The following RRAGD variants were observed in gnomAD, a reference collection of about 807,000 sequenced individuals.
RRAGD encodes ras-related GTP-binding protein D.
RRAGD carries 12 observed loss-of-function variants against 35.5 expected under a neutral mutation model. The ratio of observed to expected loss-of-function variants is 0.34; its 90% CI spans 0.22 to 0.55. The LOEUF (loss-of-function observed/expected upper bound fraction) is 0.55. Ranked by LOEUF, RRAGD falls within the 20% of genes least tolerant of loss-of-function variation. The probability of loss-of-function intolerance (pLI) is 0.91; values close to 1 mark genes in which losing one functional copy is unlikely to be tolerated. For synonymous variants in RRAGD, 155 were observed against 178.9 expected (o/e 0.87, Z 1.07); for missense variants, 324 against 490.1 (o/e 0.66, Z 3.20).
chr6:89,372,007 GGAA>G (rs1339065598), intron 6 of RRAGD, among the ~76,000 whole-genome samples: 1 of 152,130 alleles, frequency 6.6e-6, no homozygotes, highest in African/African-American at 2.4e-5. Context: ...CCTTTACATG[GGAA>G]GAACAAAAGA....
At chr6:89,369,833 TA>T (rs2127883469) in intron 6 of RRAGD, among the ~76,000 whole-genome samples, 1 of 152,336 alleles carries the variant, frequency 6.6e-6, no homozygotes, top group Non-Finnish European at 1.5e-5. Context: ...TAAATATCCA[TA>T]AACAGTGTTT....
Position 89,377,816 on chromosome 6 carries a change from GAAATTT to G in RRAGD, c.760-9_760-4del. 2 of 1,585,562 alleles carry G rather than the reference GAAATTT, an allele frequency of 1.3e-6. No individual in the cohort carries two copies. Among genetic ancestry groups the G allele is most frequent in the Non-Finnish European group, 1.7e-6 (2 of 1,170,664 alleles). On this transcript the variant is annotated splice_region_variant and splice_polypyrimidine_tract_variant and intron_variant, in intron 4 of 6. Transcript: ENST00000369415. ...AATGCCTTTTCAATTCCAGAATTCT[GAAATTT>G]AAAAAAAAAAGTTGCCTTAAAGCAA...
In RRAGD at chr6:89,387,460, G is replaced by A; in HGVS notation, c.279C>T (p.Phe93=). ...FHKMSPNETL[F]LESTNKICRE... is the part of the protein sequence containing the mutation. ...GGCATATCTTATTAGTGCTCTCCAA[G>A]AACAGAGTTTCGTTGGGAGACATTT... is the stretch of plus-strand genomic sequence containing the variant. The change falls in exon 2 of 7, where the codon TTC becomes TTT. Residue 93 remains phenylalanine, a synonymous_variant. Transcript: ENST00000369415. The A allele has an allele frequency of 6.2e-7, 1 of 1,614,198 alleles. No homozygotes were observed. Among genetic ancestry groups the A allele is most frequent in the Non-Finnish European group, 8.5e-7 (1 of 1,180,030 alleles).
At chr6:89,405,243 G>A (rs369067368) in intron 1 of RRAGD, among the ~76,000 whole-genome samples, 4 of 151,452 alleles carry the variant, frequency 2.6e-5, no homozygotes. Flanking sequence ...AGTCCCAGCT[G>A]CTGGGGAGGC....
intron 1 of RRAGD, among the ~76,000 whole-genome samples, chr6:89,396,487 G>A (rs540801573): frequency 3.4e-4 from 52 of 151,554 alleles, no homozygotes; most frequent in African/African-American, 9.4e-4. Flanking sequence ...GTGCAGTGGC[G>A]CAATCAGAGC....
intron 2 of RRAGD, among the ~76,000 whole-genome samples, chr6:89,383,750 C>T (rs9362649): frequency 0.035 from 5,319 of 151,960 alleles, 320 homozygotes; most frequent in East Asian, 0.27. Context: ...TATATTTATC[C>T]GGCAATCCTG....
At chr6:89,407,720 T>C (rs548792190) in intron 1 of RRAGD, among the ~76,000 whole-genome samples, 2 of 152,286 alleles carry the variant, frequency 1.3e-5, no homozygotes, top group South Asian at 4.1e-4. Flanking sequence ...CACCAGCATT[T>C]ACTATGGGCT....
At chr6:89,408,260 C>G (rs1769623638) in intron 1 of RRAGD, among the ~76,000 whole-genome samples, 1 of 152,162 alleles carries the variant, frequency 6.6e-6, no homozygotes, top group African/African-American at 2.4e-5. Flanking sequence ...GAAAAGCCCC[C>G]TGGTATCTCT....
At chr6:89,400,293 G>A (rs1167489566) in intron 1 of RRAGD, among the ~76,000 whole-genome samples, 1 of 152,102 alleles carries the variant, frequency 6.6e-6, no homozygotes, top group Admixed American at 6.6e-5. Context: ...GGAGCACATG[G>A]TACAGCACAA....
In RRAGD at chr6:89,372,513, G is replaced by A. The variant is rs761324046; in HGVS notation, c.975C>T (p.Thr325=). The A allele has an allele frequency of 3.3e-5, 53 of 1,610,990 alleles. 1 individual carries two copies. The highest frequency in any genetic ancestry group is 1.6e-4 in the East Asian group (7 of 44,780). ...TTGTCACCTCTTTTAAATAAAGCAC[G>A]GTTGTATTATTAAGCTTTATGATGG... is the stretch of plus-strand genomic sequence containing the variant. ...STAIIKLNNT[T]VLYLKEVTKF... Residue 325 remains threonine (T), a synonymous_variant, in exon 6 of 7, where the codon ACC becomes ACT. Coordinates refer to ENST00000369415, the MANE Select transcript of RRAGD (RefSeq NM_021244.5).
intron 1 of RRAGD, among the ~76,000 whole-genome samples, chr6:89,407,417 C>G (rs1439864539): frequency 6.6e-6 from 1 of 152,180 alleles, no homozygotes; most frequent in Non-Finnish European, 1.5e-5. Flanking sequence ...GCAGGTGGAT[C>G]ACTTGAGGTC....
chr6:89,382,137 C>T (rs1045632409), intron 2 of RRAGD, among the ~76,000 whole-genome samples: 8 of 152,018 alleles, frequency 5.3e-5, no homozygotes, highest in Non-Finnish European at 1.0e-4. Context: ...GGGGTGTTTT[C>T]TGGCATTCTT....
intron 1 of RRAGD, among the ~76,000 whole-genome samples, chr6:89,389,407 T>A (rs1455291057): frequency 1.3e-5 from 2 of 151,702 alleles, no homozygotes; most frequent in Non-Finnish European, 1.5e-5. Flanking sequence ...TACAAAAAAA[T>A]TAGCCAGGCG....
intron 2 of RRAGD, among the ~76,000 whole-genome samples, chr6:89,383,088 G>A (rs970410816): frequency 1.3e-5 from 2 of 152,216 alleles, no homozygotes; most frequent in African/African-American, 4.8e-5. Flanking sequence ...AACCTTTGGG[G>A]TGGTGGAAAT....
intron 1 of RRAGD, among the ~76,000 whole-genome samples, chr6:89,402,037 G>GGTTTTTTTTTTTTT (rs1194197994): frequency 3.8e-5 from 2 of 52,312 alleles, no homozygotes; most frequent in Admixed American, 3.1e-4. Context: ...AAATCCTAAG[G>GGTTTTTTTTTTTTT]ATTTTTTTTT....
chr6:89,392,997 A>G (rs551494850), intron 1 of RRAGD, among the ~76,000 whole-genome samples: 1 of 152,344 alleles, frequency 6.6e-6, no homozygotes, highest in South Asian at 2.1e-4. Flanking sequence ...CAGTGATTAC[A>G]TGCTACCCAG....
chr6:89,378,702 A>G (rs1392979720), intron 4 of RRAGD, among the ~76,000 whole-genome samples: 3 of 152,234 alleles, frequency 2.0e-5, no homozygotes, highest in Non-Finnish European at 4.4e-5. Context: ...ATGATTGCCT[A>G]CAGGCTTGAA....
chr6:89,411,832 G>A lies in RRAGD; in HGVS notation c.148+14C>T, dbSNP rs781707473. On this transcript the variant is annotated intron_variant, in intron 1 of 6. Transcript: ENST00000369415. The surrounding 1 kb of genome is among the most constrained non-coding windows in gnomAD (Gnocchi z 5.6). ...AAGGGGCGCGAGCCGAGGACGCGGG[G>A]GCCGGGCGCTCACCTCCCTCCTCTG... 2 of 1,545,432 alleles carry A rather than the reference G, an allele frequency of 1.3e-6. No individual in the cohort carries two copies. The highest frequency in any genetic ancestry group is 2.3e-5 in the South Asian group (2 of 85,194).
chr6:89,393,076 C>A lies in RRAGD; in HGVS notation c.149-5486G>T, dbSNP rs567453049. Among the ~76,000 whole-genome samples, 35 of 152,316 alleles carry A rather than the reference C, an allele frequency of 2.3e-4. No individual in the cohort carries two copies. The South Asian group carries it at 6.6e-3, about 29-fold the overall frequency. Reference sequence around the variant, plus strand: ...ATGAACTGAAAATGAAACAGGACTTCAAGTTTAAAAATATCAGACAGATAA... The same window carrying A: ...ATGAACTGAAAATGAAACAGGACTTAAAGTTTAAAAATATCAGACAGATAA... On this transcript the variant is annotated intron_variant, in intron 1 of 6. Transcript: ENST00000369415.
Sources: gnomAD v4.1 joint callset for allele counts (sites outside exome capture counted in the v4.1 genomes callset) on GRCh38, gnomAD v4.1.1 for gene constraint, Gnocchi (gnomAD v3.1) non-coding constraint, MANE v1.5 for transcripts, NCBI Gene and HGNC (gene_info 2026-07-23, HGNC 2026-07-21) for gene names.